Variants in SGCZ observed in about 807,000 individuals in gnomAD.
SGCZ encodes the protein sarcoglycan zeta.
A neutral mutation model predicts 41.3 loss-of-function variants in SGCZ; 40 were observed. The observed-to-expected ratio is 0.97, with a 90% CI of 0.75 to 1.26. The LOEUF (loss-of-function observed/expected upper bound fraction) is 1.26, where lower values mean the gene tolerates loss of function less well. SGCZ is among the 50% of genes most tolerant of loss of function. The pLI is 0.00. For synonymous variants in SGCZ, 206 were observed against 137.5 expected, an observed-to-expected ratio of 1.50 and a Z score of -3.49; for missense variants, 552 against 369.8, an observed-to-expected ratio of 1.49 and a Z score of -4.04.
At chr8:14,991,676 T>C (rs984563586) in intron 1 of SGCZ, among the ~76,000 whole-genome samples, 1 of 151,784 alleles carries the variant, frequency 6.6e-6, no homozygotes, top group Non-Finnish European at 1.5e-5. Context: ...CCTGGAAATT[T>C]ACCTCTCACC....
intron 2 of SGCZ, among the ~76,000 whole-genome samples, chr8:14,344,744 T>A (rs1802833298): frequency 6.6e-6 from 1 of 152,050 alleles, no homozygotes; most frequent in South Asian, 2.1e-4. Flanking sequence ...AATGAAACAG[T>A]CAATTGTGGT....
chr8:14,857,171 G>A (rs1803568682), intron 1 of SGCZ, among the ~76,000 whole-genome samples: 1 of 152,130 alleles, frequency 6.6e-6, no homozygotes, highest in Non-Finnish European at 1.5e-5. Flanking sequence ...AGATGGGCCT[G>A]CTAACCCTTC....
chr8:15,098,750 A>G (rs975542729), intron 1 of SGCZ, among the ~76,000 whole-genome samples: 2 of 152,210 alleles, frequency 1.3e-5, no homozygotes, highest in African/African-American at 4.8e-5. Context: ...GATCAAATAC[A>G]TGAATGAATA....
In SGCZ at chr8:14,086,773, A is replaced by C. The variant is rs1406657334; in HGVS notation, c.*3670T>G. Among the ~76,000 whole-genome samples the C allele has an allele frequency of 6.6e-6, 1 of 151,674 alleles. No individual in the cohort carries two copies. The highest frequency in any genetic ancestry group is 1.9e-4 in the East Asian group (1 of 5,156). On this transcript the variant is annotated 3_prime_UTR_variant, in exon 8 of 8. Coordinates refer to ENST00000382080, the MANE Select transcript of SGCZ (RefSeq NM_139167.4). ...AAAGAGCATAGGAAGTAGCGTGCCA[A>C]AAAGGTTTGTATTTCAACTTTTATA... is the stretch of plus-strand genomic sequence containing the variant.
At chr8:14,777,170 A>G (rs1800429775) in intron 1 of SGCZ, among the ~76,000 whole-genome samples, 1 of 152,222 alleles carries the variant, frequency 6.6e-6, no homozygotes, top group Admixed American at 6.5e-5. Context: ...ACGTTTATCT[A>G]AAGTTAATCC....
chr8:14,880,814 G>C (rs1585344727), intron 1 of SGCZ, among the ~76,000 whole-genome samples: 3 of 152,114 alleles, frequency 2.0e-5, no homozygotes, highest in Admixed American at 6.6e-5. Flanking sequence ...GGGGTCAGGG[G>C]ATGGGGGTGG....
intron 1 of SGCZ, among the ~76,000 whole-genome samples, chr8:14,949,516 GTTA>G (rs764782738): frequency 9.2e-5 from 14 of 152,050 alleles, no homozygotes; most frequent in Non-Finnish European, 1.9e-4. Flanking sequence ...ATCATAAGAA[GTTA>G]TTATTTCAGG....
At chr8:15,019,732 C>T (rs757372719) in intron 1 of SGCZ, among the ~76,000 whole-genome samples, 3 of 151,520 alleles carry the variant, frequency 2.0e-5, no homozygotes, top group African/African-American at 7.3e-5. Flanking sequence ...ATCTGACTGG[C>T]ATCAGTGACT....
intron 1 of SGCZ, among the ~76,000 whole-genome samples, chr8:14,716,619 T>C (rs146109169): frequency 4.6e-4 from 70 of 152,252 alleles, no homozygotes; most frequent in Non-Finnish European, 8.7e-4. Context: ...TTGTCTGTAA[T>C]AGAAAAATTA....
At chr8:14,856,629 C>T (rs1290920178) in intron 1 of SGCZ, among the ~76,000 whole-genome samples, 1 of 151,970 alleles carries the variant, frequency 6.6e-6, no homozygotes, top group African/African-American at 2.4e-5. Context: ...GACTGTGAAA[C>T]CCATTTATTC....
At chr8:14,404,363 T>C (rs1468289175) in intron 2 of SGCZ, among the ~76,000 whole-genome samples, 2 of 152,166 alleles carry the variant, frequency 1.3e-5, no homozygotes, top group East Asian at 3.9e-4. Flanking sequence ...TTAGTGTAAA[T>C]GCAACATGTC....
chr8:15,062,267 G>C (rs1011536267), intron 1 of SGCZ, among the ~76,000 whole-genome samples: 1 of 151,970 alleles, frequency 6.6e-6, no homozygotes, highest in Non-Finnish European at 1.5e-5. Context: ...TCTCAACCAA[G>C]TAATGACACA....
At chr8:14,875,768 T>G (rs543122211) in intron 1 of SGCZ, among the ~76,000 whole-genome samples, 2 of 152,226 alleles carry the variant, frequency 1.3e-5, no homozygotes, top group East Asian at 3.9e-4. Flanking sequence ...AAAAAATAAT[T>G]GGATTAAGTT....
At chr8:14,385,750 A>G (rs1804552292) in intron 2 of SGCZ, among the ~76,000 whole-genome samples, 2 of 152,210 alleles carry the variant, frequency 1.3e-5, no homozygotes, top group Non-Finnish European at 2.9e-5. Context: ...AAAACAAAAA[A>G]ACAAAATCCA....
intron 1 of SGCZ, among the ~76,000 whole-genome samples, chr8:14,648,305 G>A (rs541314203): frequency 2.0e-5 from 3 of 152,176 alleles, no homozygotes; most frequent in African/African-American, 7.2e-5. Flanking sequence ...TACCTCAAAT[G>A]TTTCATTCTG....
intron 1 of SGCZ, among the ~76,000 whole-genome samples, chr8:14,922,640 T>C (rs907520148): frequency 1.3e-5 from 2 of 152,142 alleles, no homozygotes; most frequent in Admixed American, 6.5e-5. Context: ...TTGAGAATCA[T>C]GAATACAAAA....
intron 1 of SGCZ, among the ~76,000 whole-genome samples, chr8:14,649,257 T>C (rs1473791719): frequency 1.3e-5 from 2 of 152,122 alleles, no homozygotes; most frequent in African/African-American, 4.8e-5. Context: ...TAGATTTTAT[T>C]TGTGAGGTAG....
intron 3 of SGCZ, among the ~76,000 whole-genome samples, chr8:14,252,348 G>T (rs1240641968): frequency 6.6e-6 from 1 of 151,388 alleles, no homozygotes; most frequent in Non-Finnish European, 1.5e-5. Context: ...TATTGTTATT[G>T]GGTTTTACTA....
At chr8:14,598,208 A>C (rs964583815) in intron 1 of SGCZ, among the ~76,000 whole-genome samples, 2 of 152,078 alleles carry the variant, frequency 1.3e-5, no homozygotes, top group Non-Finnish European at 2.9e-5. Flanking sequence ...ATTTCATTTC[A>C]AGTGGGGCAT....
Sources: allele counts gnomAD v4.1 joint callset (sites outside exome capture counted in the v4.1 genomes callset), GRCh38; gene constraint gnomAD v4.1.1; transcripts MANE v1.5; gene names NCBI Gene and HGNC (gene_info 2026-07-23, HGNC 2026-07-21).